The following TRAPPC9 variants were observed in gnomAD, a reference collection of about 807,000 sequenced individuals.
TRAPPC9 encodes the protein trafficking protein particle complex subunit 9.
In TRAPPC9, 83 loss-of-function variants were observed where a neutral mutation model predicts 124.0. The observed-to-expected ratio is 0.67, with a 90% CI of 0.56 to 0.80. TRAPPC9 has a LOEUF of 0.80. TRAPPC9 is among the 30% of genes least tolerant of loss of function. TRAPPC9 has a pLI of 0.00. For synonymous variants in TRAPPC9, 638 were observed against 617.5 expected, an observed-to-expected ratio of 1.03 and a Z score of -0.49; for missense variants, 1,302 against 1,508.3, an observed-to-expected ratio of 0.86 and a Z score of 2.27.
At chr8:140,014,149 G>A (rs186287029) in intron 18 of TRAPPC9, among the ~76,000 whole-genome samples, 9 of 152,226 alleles carry the variant, frequency 5.9e-5, no homozygotes, top group Non-Finnish European at 8.8e-5. Context: ...CAATAATGTC[G>A]TAACGATTAC....
chr8:140,189,630 C>A (rs2062436747), intron 17 of TRAPPC9, among the ~76,000 whole-genome samples: 1 of 151,940 alleles, frequency 6.6e-6, no homozygotes, highest in Non-Finnish European at 1.5e-5. Flanking sequence ...GCACCCATTT[C>A]TGGGTAGTGA....
intron 18 of TRAPPC9, among the ~76,000 whole-genome samples, chr8:139,995,888 C>T (rs1587444148): frequency 7.5e-6 from 1 of 132,534 alleles, no homozygotes; most frequent in African/African-American, 3.0e-5. Flanking sequence ...AAAAAAGTAC[C>T]AACATTTTCC....
intron 9 of TRAPPC9, among the ~76,000 whole-genome samples, chr8:140,331,783 C>T (rs1406489274): frequency 6.6e-6 from 1 of 152,160 alleles, no homozygotes; most frequent in Non-Finnish European, 1.5e-5. Flanking sequence ...GAGAGATCAT[C>T]TCACCCCAGC....
chr8:140,382,705 C>T (rs982865379), intron 7 of TRAPPC9, among the ~76,000 whole-genome samples: 1 of 152,212 alleles, frequency 6.6e-6, no homozygotes, highest in African/African-American at 2.4e-5. Context: ...AGGAGGCCTG[C>T]CTGCCTCTGT....
At chr8:140,067,823 G>A (rs1264431471) in intron 17 of TRAPPC9, among the ~76,000 whole-genome samples, 1 of 152,162 alleles carries the variant, frequency 6.6e-6, no homozygotes. Context: ...AAAAGATGTT[G>A]CAAAGGAAGG....
chr8:139,995,957 C>T (rs1201357079), intron 18 of TRAPPC9, among the ~76,000 whole-genome samples: 3 of 144,960 alleles, frequency 2.1e-5, no homozygotes, highest in African/African-American at 5.1e-5. Flanking sequence ...GTCCAGAATA[C>T]GATCTAAAAT....
At chr8:139,769,216 T>C (rs181205900) in intron 21 of TRAPPC9, among the ~76,000 whole-genome samples, 293 of 152,362 alleles carry the variant, frequency 1.9e-3, no homozygotes, top group South Asian at 8.3e-3. Context: ...ATATACACTA[T>C]GTTTTTTCCT....
chr8:140,189,254 G>A (rs1285728593), intron 17 of TRAPPC9, among the ~76,000 whole-genome samples: 1 of 152,182 alleles, frequency 6.6e-6, no homozygotes. Flanking sequence ...GCTGTCTCCA[G>A]GAATTCCTCC....
intron 17 of TRAPPC9, among the ~76,000 whole-genome samples, chr8:140,144,439 G>C (rs115096806): frequency 1.3e-5 from 2 of 151,666 alleles, no homozygotes; most frequent in African/African-American, 2.4e-5. Context: ...GGGTACTGTT[G>C]GCTAATGAAT....
At chr8:139,900,965 A>T (rs967016341) in intron 20 of TRAPPC9, among the ~76,000 whole-genome samples, 1 of 147,942 alleles carries the variant, frequency 6.8e-6, no homozygotes, top group Non-Finnish European at 1.5e-5. Flanking sequence ...TGTGAGCCTC[A>T]TCTCTCAAAA....
chr8:139,946,517 A>G (rs12114237), intron 19 of TRAPPC9, among the ~76,000 whole-genome samples: 10 of 152,152 alleles, frequency 6.6e-5, no homozygotes, highest in Admixed American at 4.6e-4. Flanking sequence ...TAGCAGTGCT[A>G]TTTACCATGA....
intron 19 of TRAPPC9, among the ~76,000 whole-genome samples, chr8:139,929,036 T>C (rs1325402145): frequency 6.6e-6 from 1 of 152,162 alleles, no homozygotes; most frequent in Non-Finnish European, 1.5e-5. Flanking sequence ...TGCACGCCAA[T>C]GGCAATCCCA....
intron 21 of TRAPPC9, among the ~76,000 whole-genome samples, chr8:139,872,502 G>T (rs1829009567): frequency 1.6e-5 from 2 of 128,270 alleles, no homozygotes; most frequent in South Asian, 6.2e-4. Context: ...ATGGGTTGAT[G>T]GGTAAATGGT....
intron 19 of TRAPPC9, among the ~76,000 whole-genome samples, chr8:139,934,884 C>A (rs970870588): frequency 2.1e-4 from 32 of 152,314 alleles, no homozygotes; most frequent in African/African-American, 7.7e-4. Context: ...CCCAGCACTG[C>A]CAAGTCCTAC....
chr8:140,394,861 C>T (rs72692380), intron 7 of TRAPPC9, among the ~76,000 whole-genome samples: 17,494 of 152,264 alleles, frequency 0.11, 1,289 homozygotes, highest in Middle Eastern at 0.26. Context: ...AAGCCCTCCA[C>T]CCTCAGCACT....
intron 19 of TRAPPC9, among the ~76,000 whole-genome samples, chr8:139,971,833 T>G (rs187929986): frequency 0.014 from 2,040 of 143,110 alleles, 56 homozygotes; most frequent in African/African-American, 0.05. Flanking sequence ...ACACACACAA[T>G]TTTTTTTTTT....
rs566510984 is a variant in TRAPPC9, at chr8:140,349,415, G to A, written c.1495+10635C>T. ...GCCGATGGGGGCGCGCGAGGGAAGG[G>A]CACACAGCGGGGCCGATGGGGGCGC... On this transcript the variant is annotated intron_variant, in intron 9 of 22. Coordinates refer to ENST00000438773, the MANE Select transcript of TRAPPC9 (RefSeq NM_001160372.4). Among the ~76,000 whole-genome samples, 325 of 140,606 alleles carry A rather than the reference G, an allele frequency of 2.3e-3. 6 individuals carry two copies. The highest frequency in any genetic ancestry group is 6.9e-3 in the Admixed American group (98 of 14,198). The allele number at this position is 140,606 out of a possible 152,430, so 92.2% of individuals were successfully genotyped here.
intron 21 of TRAPPC9, among the ~76,000 whole-genome samples, chr8:139,760,115 G>A: frequency 6.6e-6 from 1 of 152,230 alleles, no homozygotes; most frequent in East Asian, 1.9e-4. Flanking sequence ...GTGTATGTGG[G>A]TGTGGAGCGT....
chr8:139,877,876 C>T (rs1409108861), intron 21 of TRAPPC9, among the ~76,000 whole-genome samples: 1 of 152,208 alleles, frequency 6.6e-6, no homozygotes, highest in Admixed American at 6.5e-5. Flanking sequence ...CAAGACTCAC[C>T]ACGAGGGTGC....
Sources: allele counts gnomAD v4.1 joint callset (sites outside exome capture counted in the v4.1 genomes callset), GRCh38; gene constraint gnomAD v4.1.1; transcripts MANE v1.5; gene names NCBI Gene and HGNC (gene_info 2026-07-23, HGNC 2026-07-21).